Variants in ADSS2 observed in about 807,000 individuals in gnomAD.
The protein encoded by ADSS2 is adenylosuccinate synthetase isozyme 2.
ADSS2 carries 30 observed loss-of-function variants against 60.0 expected under a neutral mutation model. That is an observed-to-expected ratio of 0.50 (90% CI 0.37 to 0.68). The LOEUF is 0.68. Ranked by LOEUF, ADSS2 falls within the 30% of genes least tolerant of loss-of-function variation. The pLI is 0.00. For missense variants in ADSS2, 373 were observed against 554.8 expected (o/e 0.67, Z 3.29); for synonymous variants, 187 against 193.1 (o/e 0.97, Z 0.26).
intron 10 of ADSS2, among the ~76,000 whole-genome samples, chr1:244,416,411 G>C (rs533591559): frequency 5.3e-5 from 8 of 152,176 alleles, no homozygotes; most frequent in African/African-American, 1.7e-4. Context: ...TCAACCTCCC[G>C]GGCTCAAGCA....
Position 244,408,512 on chromosome 1 carries a change from C to A in ADSS2, c.*1074G>T, listed in dbSNP as rs115523508. ...CAAAGCATACTAGAAATATTTGGTT[C>A]TTTTAATCAGCTATTCATGGTGTAA... On this transcript the variant is annotated 3_prime_UTR_variant, in exon 13 of 13. Coordinates refer to ENST00000366535, the MANE Select transcript of ADSS2 (RefSeq NM_001126.5). The A allele has an allele frequency of 7.9e-5, 12 of 152,652 alleles. No homozygotes were observed. Among genetic ancestry groups the A allele is most frequent in the Non-Finnish European group, 1.8e-4 (12 of 67,992 alleles). 9.5% of individuals were successfully genotyped at this position (152,652 alleles called of 1,614,324 possible).
intron 12 of ADSS2, among the ~76,000 whole-genome samples, chr1:244,410,052 C>T (rs1022284495): frequency 2.0e-5 from 3 of 152,180 alleles, no homozygotes; most frequent in African/African-American, 4.8e-5. Flanking sequence ...CTATGGAAAT[C>T]GAATCATCTG....
Position 244,421,462 on chromosome 1 carries a change from C to G in ADSS2, c.664-1166G>C, listed in dbSNP as rs556357725. 4.6e-5 allele frequency among the ~76,000 whole-genome samples: 7 copies of G among 152,188 alleles called. No homozygotes were observed. In the East Asian group the frequency reaches 1.4e-3, roughly 29 times the overall value. On this transcript the variant is annotated intron_variant, in intron 7 of 12. Coordinates refer to ENST00000366535, the MANE Select transcript of ADSS2 (RefSeq NM_001126.5). ...TTTCTGACTGATTCCTGTTTTAGTCCTATTTTTATGCCTGAAATGACCACA... is the reference window on the plus strand; with the variant it reads ...TTTCTGACTGATTCCTGTTTTAGTCGTATTTTTATGCCTGAAATGACCACA...
At chr1:244,440,821 A>C (rs1008055756) in intron 1 of ADSS2, among the ~76,000 whole-genome samples, 1 of 152,220 alleles carries the variant, frequency 6.6e-6, no homozygotes, top group Non-Finnish European at 1.5e-5. Flanking sequence ...GAATCATCTC[A>C]TTCTTTTAAC....
chr1:244,422,524 A>T (rs1212454629), intron 7 of ADSS2, among the ~76,000 whole-genome samples: 1 of 152,180 alleles, frequency 6.6e-6, no homozygotes, highest in Non-Finnish European at 1.5e-5. Flanking sequence ...ATATGATGCA[A>T]ATCTAGTCTC....
At chr1:244,433,888 A>C (rs1665015975) in intron 3 of ADSS2, among the ~76,000 whole-genome samples, 2 of 150,300 alleles carry the variant, frequency 1.3e-5, no homozygotes, top group African/African-American at 4.8e-5. Flanking sequence ...AAAAAAGGTA[A>C]AGAAAATAAA....
chr1:244,430,344 T>C (rs1346562338), intron 4 of ADSS2, among the ~76,000 whole-genome samples: 1 of 152,220 alleles, frequency 6.6e-6, no homozygotes, highest in East Asian at 1.9e-4. Flanking sequence ...AGAAGGAAGA[T>C]GGAGAATCCA....
chr1:244,445,541 C>T (rs1261739660), intron 1 of ADSS2, among the ~76,000 whole-genome samples: 1 of 151,900 alleles, frequency 6.6e-6, no homozygotes, highest in Non-Finnish European at 1.5e-5. Context: ...TCCATGACTC[C>T]TCAGAACCAG....
chr1:244,421,827 C>T (rs1361522838), intron 7 of ADSS2, among the ~76,000 whole-genome samples: 1 of 151,866 alleles, frequency 6.6e-6, no homozygotes, highest in African/African-American at 2.4e-5. Flanking sequence ...AAAAAAAAAC[C>T]TAGCAGGGTG....
chr1:244,451,231 G>A lies in ADSS2; in HGVS notation c.183+404C>T, dbSNP rs1004756988. ...GATGGGGGGTTCTGCCGTCGCGCCG[G>A]GTCTCCGCCCGCAGTCGGAAGAGTT... On this transcript the variant is annotated intron_variant, in intron 1 of 12. Coordinates refer to ENST00000366535, the MANE Select transcript of ADSS2 (RefSeq NM_001126.5). The surrounding 1 kb of genome is among the most constrained non-coding windows in gnomAD (Gnocchi z 6.6). Among the ~76,000 whole-genome samples the A allele has an allele frequency of 6.6e-6, 1 of 152,160 alleles. No individual in the cohort carries two copies. Among genetic ancestry groups the A allele is most frequent in the Non-Finnish European group, 1.5e-5 (1 of 68,014 alleles).
At chr1:244,421,812 C>A (rs12097844) in intron 7 of ADSS2, among the ~76,000 whole-genome samples, 17,897 of 151,870 alleles carry the variant, frequency 0.12, 1,333 homozygotes, top group African/African-American at 0.18. Context: ...AAACCCATCT[C>A]TACCAAAAAA....
chr1:244,419,940 C>T (rs1018439647), intron 8 of ADSS2, among the ~76,000 whole-genome samples: 1 of 152,136 alleles, frequency 6.6e-6, no homozygotes, highest in African/African-American at 2.4e-5. Context: ...ACCTACTGAA[C>T]TCAAATGATG....
intron 12 of ADSS2, among the ~76,000 whole-genome samples, chr1:244,410,390 A>C (rs902060347): frequency 1.3e-5 from 2 of 152,204 alleles, no homozygotes; most frequent in Non-Finnish European, 2.9e-5. Flanking sequence ...GGAAAAAGCC[A>C]TCTGTTAAAA....
intron 10 of ADSS2, among the ~76,000 whole-genome samples, chr1:244,417,405 T>A (rs1558269516): frequency 6.6e-6 from 1 of 152,160 alleles, no homozygotes; most frequent in Non-Finnish European, 1.5e-5. Context: ...ACTTAGAGTA[T>A]CACGATTCTT....
At chr1:244,449,693 C>G (rs1339435359) in intron 1 of ADSS2, among the ~76,000 whole-genome samples, 1 of 152,296 alleles carries the variant, frequency 6.6e-6, no homozygotes, top group South Asian at 2.1e-4. Context: ...TTAAAAAGCA[C>G]TAAAAGAACA....
intron 3 of ADSS2, among the ~76,000 whole-genome samples, chr1:244,435,579 TTCA>T (rs1292397807): frequency 6.6e-6 from 1 of 151,732 alleles, no homozygotes; most frequent in Non-Finnish European, 1.5e-5. Flanking sequence ...TTCTTCCTCC[TTCA>T]TCCTCCTCCA....
Position 244,451,567 on chromosome 1 carries a change from C to A in ADSS2, c.183+68G>T. 6.7e-7 allele frequency: 1 copy of A among 1,498,118 alleles called. No individual in the cohort carries two copies. Among genetic ancestry groups the A allele is most frequent in the East Asian group, 2.4e-5 (1 of 41,116 alleles). 92.8% of individuals were successfully genotyped at this position (1,498,118 alleles called of 1,614,324 possible). A position where few individuals can be genotyped will look rare whatever the true frequency, so the allele number is the denominator to read the frequency against. ...GATCCGGGTTCTGGGTCCGAGTTCCCGGGCACCAGGAGCCAGGCAGCCCGA... is the reference window on the plus strand; with the variant it reads ...GATCCGGGTTCTGGGTCCGAGTTCCAGGGCACCAGGAGCCAGGCAGCCCGA... On this transcript the variant is annotated intron_variant, in intron 1 of 12. Coordinates refer to ENST00000366535, the MANE Select transcript of ADSS2 (RefSeq NM_001126.5). This position sits in a 1 kb window ranked among gnomAD's most constrained non-coding sequence, Gnocchi z 6.6.
At chr1:244,433,559 T>C (rs1014127093) in intron 3 of ADSS2, among the ~76,000 whole-genome samples, 1 of 152,116 alleles carries the variant, frequency 6.6e-6, no homozygotes, top group African/African-American at 2.4e-5. Flanking sequence ...TCCCAAAAGA[T>C]AGTTATAACA....
intron 11 of ADSS2, among the ~76,000 whole-genome samples, chr1:244,414,435 A>G (rs957841689): frequency 6.6e-6 from 1 of 152,242 alleles, no homozygotes; most frequent in Non-Finnish European, 1.5e-5. Flanking sequence ...TGGGTTTAAA[A>G]GCATATTGGA....
Sources: allele counts gnomAD v4.1 joint callset (sites outside exome capture counted in the v4.1 genomes callset), GRCh38; gene constraint gnomAD v4.1.1; non-coding constraint Gnocchi (gnomAD v3.1); transcripts MANE v1.5; gene names NCBI Gene and HGNC (gene_info 2026-07-23, HGNC 2026-07-21).